Variants in FAM135B observed in about 807,000 individuals in gnomAD.
FAM135B encodes family with sequence similarity 135 member B, also known as protein FAM135B.
In FAM135B, 43 loss-of-function variants were observed where a neutral mutation model predicts 127.7. The observed-to-expected ratio is 0.34, with a 90% CI of 0.26 to 0.43. The LOEUF (loss-of-function observed/expected upper bound fraction) is 0.43. FAM135B is among the 20% of genes least tolerant of loss of function. The pLI is 1.00. For missense variants in FAM135B, 1,558 were observed against 1,725.6 expected (o/e 0.90, Z 1.72); for synonymous variants, 670 against 665.1 (o/e 1.01, Z -0.11).
intron 7 of FAM135B, among the ~76,000 whole-genome samples, chr8:138,197,991 A>T (rs1255290105): frequency 6.6e-6 from 1 of 152,250 alleles, no homozygotes; most frequent in Non-Finnish European, 1.5e-5. Flanking sequence ...CATTGGCCTC[A>T]CAGGTTTGAG....
At chr8:138,379,128 A>AGT (rs146472577) in intron 1 of FAM135B, among the ~76,000 whole-genome samples, 4 of 152,084 alleles carry the variant, frequency 2.6e-5, no homozygotes, top group East Asian at 1.9e-4. Context: ...CAGACTCCTA[A>AGT]GTGTGTGTGT....
intron 13 of FAM135B, among the ~76,000 whole-genome samples, chr8:138,149,136 A>AAAT (rs1817906017): frequency 7.8e-6 from 1 of 127,612 alleles, no homozygotes; most frequent in Non-Finnish European, 1.7e-5. Flanking sequence ...TAATAATAAA[A>AAAT]AAATAAATAA....
At chr8:138,317,472 T>C (rs186441915) in intron 2 of FAM135B, among the ~76,000 whole-genome samples, 5 of 152,270 alleles carry the variant, frequency 3.3e-5, no homozygotes, top group South Asian at 4.1e-4. Context: ...GACTGTGAAA[T>C]TGTACCATAG....
chr8:138,444,799 A>G (rs1836015205), intron 1 of FAM135B, among the ~76,000 whole-genome samples: 1 of 152,226 alleles, frequency 6.6e-6, no homozygotes, highest in Non-Finnish European at 1.5e-5. Flanking sequence ...AATAACTAAG[A>G]TCAGAGCAGA....
intron 1 of FAM135B, among the ~76,000 whole-genome samples, chr8:138,400,765 G>A (rs2131363142): frequency 6.6e-6 from 1 of 152,286 alleles, no homozygotes; most frequent in South Asian, 2.1e-4. Flanking sequence ...ACGTAGGGAA[G>A]TGTCCCATCC....
chr8:138,157,108 T>G (rs1167743298), intron 12 of FAM135B, among the ~76,000 whole-genome samples: 7 of 152,166 alleles, frequency 4.6e-5, no homozygotes, highest in East Asian at 3.8e-4. Context: ...ACGATCAAGT[T>G]GGCTTCATCC....
intron 8 of FAM135B, among the ~76,000 whole-genome samples, chr8:138,195,694 T>C (rs1254138187): frequency 6.6e-6 from 1 of 152,132 alleles, no homozygotes; most frequent in Non-Finnish European, 1.5e-5. Flanking sequence ...CTGTGCATCA[T>C]ATATGGAAGA....
chr8:138,424,245 A>G (rs929225176), intron 1 of FAM135B, among the ~76,000 whole-genome samples: 1 of 152,206 alleles, frequency 6.6e-6, no homozygotes, highest in Non-Finnish European at 1.5e-5. Flanking sequence ...ATAAGTGTCC[A>G]TGAAATCTTC....
intron 3 of FAM135B, among the ~76,000 whole-genome samples, chr8:138,302,387 GT>G (rs1825952715): frequency 6.6e-6 from 1 of 152,072 alleles, no homozygotes; most frequent in Non-Finnish European, 1.5e-5. Context: ...CCCTAGATTT[GT>G]TTGCTTAAAA....
intron 3 of FAM135B, among the ~76,000 whole-genome samples, chr8:138,279,263 C>T (rs77555061): frequency 0.045 from 6,842 of 152,264 alleles, 473 homozygotes; most frequent in African/African-American, 0.15. Flanking sequence ...CTTGTTCCTC[C>T]GAGCAGCAGT....
chr8:138,282,120 T>C (rs1383718596), intron 3 of FAM135B, among the ~76,000 whole-genome samples: 1 of 152,256 alleles, frequency 6.6e-6, no homozygotes, highest in African/African-American at 2.4e-5. Flanking sequence ...AGATTTTTCC[T>C]CTAAGCTCAA....
chr8:138,332,983 GCACACACACACA>G (rs59548249), intron 2 of FAM135B, among the ~76,000 whole-genome samples: 1 of 145,316 alleles, frequency 6.9e-6, no homozygotes, highest in Admixed American at 7.0e-5. Context: ...TTTGGAAAGC[GCACACACACACA>G]CACACACACA....
intron 9 of FAM135B, among the ~76,000 whole-genome samples, chr8:138,182,651 G>C (rs758227578): frequency 6.6e-6 from 1 of 152,232 alleles, no homozygotes; most frequent in Non-Finnish European, 1.5e-5. Flanking sequence ...CTGTGCAAGA[G>C]ATATATACTG....
chr8:138,362,118 G>A (rs1220202059), intron 2 of FAM135B, among the ~76,000 whole-genome samples: 2 of 151,942 alleles, frequency 1.3e-5, no homozygotes, highest in East Asian at 3.9e-4. Flanking sequence ...TATCCTTTGT[G>A]TTATAAACAA....
intron 11 of FAM135B, among the ~76,000 whole-genome samples, chr8:138,173,277 G>A (rs1308954462): frequency 2.0e-5 from 3 of 152,142 alleles, no homozygotes; most frequent in East Asian, 3.9e-4. Context: ...AATACAGAGC[G>A]AAAGCATAAG....
At chr8:138,376,438 T>C (rs1311900009) in intron 1 of FAM135B, among the ~76,000 whole-genome samples, 3 of 152,196 alleles carry the variant, frequency 2.0e-5, no homozygotes, top group Non-Finnish European at 4.4e-5. Context: ...TCACCTTCTG[T>C]GTATTCTCCA....
intron 1 of FAM135B, among the ~76,000 whole-genome samples, chr8:138,477,908 G>A (rs1201442952): frequency 6.6e-6 from 1 of 152,118 alleles, no homozygotes; most frequent in Non-Finnish European, 1.5e-5. Flanking sequence ...GAGATCTCAT[G>A]GTCATGAACC....
chr8:138,493,962 A>T (rs1815293238), intron 1 of FAM135B, among the ~76,000 whole-genome samples: 1 of 152,242 alleles, frequency 6.6e-6, no homozygotes, highest in African/African-American at 2.4e-5. Context: ...ACTGGAGCTG[A>T]AATCAAGGAA....
At chr8:138,209,662 G>T (rs373798895) in intron 7 of FAM135B, among the ~76,000 whole-genome samples, 29 of 152,154 alleles carry the variant, frequency 1.9e-4, no homozygotes, top group African/African-American at 7.0e-4. Flanking sequence ...ATGTGATAGT[G>T]TGCCCTTCAG....
Sources: gnomAD v4.1 joint callset for allele counts (sites outside exome capture counted in the v4.1 genomes callset) on GRCh38, gnomAD v4.1.1 for gene constraint, MANE v1.5 for transcripts, NCBI Gene and HGNC (gene_info 2026-07-23, HGNC 2026-07-21) for gene names.